Variants in CLOCK observed in about 807,000 individuals in gnomAD.
CLOCK encodes the protein circadian locomoter output cycles protein kaput.
CLOCK carries 43 observed loss-of-function variants against 118.4 expected under a neutral mutation model. The observed-to-expected ratio is 0.36, with a 90% CI of 0.28 to 0.47. The LOEUF is 0.47. Among genes scored for constraint, CLOCK ranks in the 20% least tolerant of loss-of-function variants. The pLI, the probability that CLOCK is intolerant of heterozygous loss-of-function variation, is 1.00. For synonymous variants in CLOCK, 326 were observed against 339.2 expected (o/e 0.96, Z 0.43); for missense variants, 846 against 999.9 (o/e 0.85, Z 2.08).
intron 7 of CLOCK, among the ~76,000 whole-genome samples, chr4:55,471,106 G>A (rs1213667690): frequency 6.6e-6 from 1 of 152,138 alleles, no homozygotes; most frequent in Non-Finnish European, 1.5e-5. Flanking sequence ...TGTATATACA[G>A]TATTATGGCT....
intron 13 of CLOCK, 109 bp downstream of exon 13, chr4:55,455,788 C>A: frequency 1.2e-6 from 1 of 845,086 alleles, no homozygotes. Flanking sequence ...TAGCATATTT[C>A]AAAAATATGA....
intron 3 of CLOCK, among the ~76,000 whole-genome samples, chr4:55,486,823 T>C (rs1289238440): frequency 6.6e-6 from 1 of 152,182 alleles, no homozygotes; most frequent in Non-Finnish European, 1.5e-5. Flanking sequence ...TGATGTGCCC[T>C]GTTTTGGCTT....
In CLOCK at chr4:55,503,922, T is replaced by C. The variant is rs540613856; in HGVS notation, c.-136+5990A>G. Among the ~76,000 whole-genome samples the C allele has an allele frequency of 4.7e-5, 7 of 149,338 alleles. No individual in the cohort carries two copies. In the South Asian group the frequency reaches 6.4e-4, roughly 14 times the overall value. On this transcript the variant is annotated intron_variant, in intron 2 of 22. Transcript: ENST00000513440. ...TAGTGTAATTATAAACAATCAATTTTTCTTTATTACATTCCAGATCACTAG... is the reference window on the plus strand; with the variant it reads ...TAGTGTAATTATAAACAATCAATTTCTCTTTATTACATTCCAGATCACTAG...
At chr4:55,528,343 C>T (rs1175509346) in intron 1 of CLOCK, among the ~76,000 whole-genome samples, 1 of 128,234 alleles carries the variant, frequency 7.8e-6, no homozygotes, top group African/African-American at 2.6e-5. Context: ...CAGAACTCCA[C>T]CTCAAAAAAA....
intron 1 of CLOCK, among the ~76,000 whole-genome samples, chr4:55,522,368 C>G (rs746064361): frequency 2.0e-5 from 3 of 151,638 alleles, no homozygotes; most frequent in Non-Finnish European, 4.4e-5. Flanking sequence ...ATCCCATAAA[C>G]AAATGAAAAG....
rs962300713 is a variant in CLOCK at position 55,456,079 on chromosome 4, G to C, written c.876-76C>G. On this transcript the variant is annotated intron_variant, in intron 12 of 22. Coordinates refer to ENST00000513440, the MANE Select transcript of CLOCK (RefSeq NM_004898.4). Reference sequence around the variant, plus strand: ...ATATTTCAACTAGAAATAAACTTTGGGGGGGGGGCTTTATTTTTCAAAAAA... The same window carrying C: ...ATATTTCAACTAGAAATAAACTTTGCGGGGGGGGCTTTATTTTTCAAAAAA... 1.5e-5 allele frequency: 17 copies of C among 1,119,508 alleles called. 1 individual carries two copies. The highest frequency in any genetic ancestry group is 3.5e-5 in the African/African-American group (1 of 28,512). 69.3% of individuals were successfully genotyped at this position (1,119,508 alleles called of 1,614,324 possible).
intron 7 of CLOCK, 128 bp downstream of exon 7, chr4:55,475,835 A>C: frequency 1.5e-6 from 1 of 679,494 alleles, no homozygotes; most frequent in Admixed American, 2.1e-5. Flanking sequence ...TTTTACTGAA[A>C]TATTAGCTTT....
chr4:55,528,677 AAGGACTAC>A (rs1302937191), intron 1 of CLOCK, among the ~76,000 whole-genome samples: 1 of 152,236 alleles, frequency 6.6e-6, no homozygotes, highest in Non-Finnish European at 1.5e-5. Context: ...CTACACATGA[AAGGACTAC>A]AGTGGAGGTC....
chr4:55,482,709 A>G, intron 4 of CLOCK, 30 bp downstream of exon 4: 3 of 1,469,086 alleles, frequency 2.0e-6, no homozygotes, highest in South Asian at 2.5e-5. Context: ...ATAATTATAT[A>G]TAACTTAAAA....
intron 2 of CLOCK, among the ~76,000 whole-genome samples, chr4:55,502,002 G>A (rs1728478784): frequency 6.6e-6 from 1 of 152,060 alleles, no homozygotes; most frequent in African/African-American, 2.4e-5. Context: ...ATCTTACGAA[G>A]TCAACAAAAG....
intron 6 of CLOCK, 66 bp from the exon 7 acceptor site, chr4:55,476,120 T>G: frequency 2.0e-6 from 2 of 986,804 alleles, no homozygotes; most frequent in Non-Finnish European, 3.3e-6. Flanking sequence ...GCCCTACAAG[T>G]TATCTTGTCT....
In CLOCK at chr4:55,438,464, T is replaced by C. The variant is rs772118839; in HGVS notation, c.2179A>G (p.Ser727Gly). 3 of 1,613,862 alleles carry C rather than the reference T, an allele frequency of 1.9e-6. No individual in the cohort carries two copies. The highest frequency in any genetic ancestry group is 3.3e-5 in the Admixed American group (2 of 59,992). Residue 727 changes from serine (S) to glycine (G), a missense_variant, in exon 22 of 23, where the codon AGT (serine) becomes GGT (glycine). Ser to Gly is a moderately conservative substitution (Grantham distance 56, BLOSUM62 0). This residue lies in a region of CLOCK where 520 missense variants were observed against 558.0 expected (regional missense o/e 0.93). Transcript: ENST00000513440. ...ACCACCTGGCCCATAAGCATAGTAC[T>C]AGGTACCATGACTGCCCCACAAGCT... ...PVACGAVMVP[S>G]TMLMGQVVTA...
At chr4:55,504,887 C>G (rs1728698953) in intron 2 of CLOCK, among the ~76,000 whole-genome samples, 1 of 152,038 alleles carries the variant, frequency 6.6e-6, no homozygotes, top group East Asian at 1.9e-4. Context: ...TTAAATCCAG[C>G]AAAGAATCGC....
In CLOCK at chr4:55,429,317, C is replaced by G. The variant is rs1184287617; in HGVS notation, c.*6098G>C. ...GTTGACGTGCTTTAACTACCGTTCT[C>G]TAAGTTGTGTGCTATACCTAGCCTG... is the stretch of plus-strand genomic sequence containing the variant. On this transcript the variant is annotated 3_prime_UTR_variant, in exon 23 of 23. Coordinates refer to ENST00000513440, the MANE Select transcript of CLOCK (RefSeq NM_004898.4). 6.6e-6 allele frequency: 1 copy of G among 152,176 alleles called. No individual in the cohort carries two copies. Among genetic ancestry groups the G allele is most frequent in the Non-Finnish European group, 1.5e-5 (1 of 68,036 alleles). The allele number at this position is 152,176 out of a possible 1,614,324, so 9.4% of individuals were successfully genotyped here. A position where few individuals can be genotyped will look rare whatever the true frequency, so the allele number is the denominator to read the frequency against.
intron 1 of CLOCK, among the ~76,000 whole-genome samples, chr4:55,541,089 T>C (rs1476432065): frequency 1.3e-5 from 2 of 152,186 alleles, no homozygotes; most frequent in Non-Finnish European, 2.9e-5. Context: ...AATATCCAAC[T>C]AAAGTAATAA....
In CLOCK at chr4:55,448,595, CGCGCGCGTGTGTGTGTGTGT is replaced by C; in HGVS notation, c.1539+164_1539+183del. On this transcript the variant is annotated intron_variant, in intron 18 of 22. Coordinates refer to ENST00000513440, the MANE Select transcript of CLOCK (RefSeq NM_004898.4). ...ATAATTATATATGTGCGCGCGCGCA[CGCGCGCGTGTGTGTGTGTGT>C]GTGTGTGTGTGTGTGTGTGTGTGTG... 6.0e-5 allele frequency among the ~76,000 whole-genome samples: 2 copies of C among 33,270 alleles called. 1 individual carries two copies. Among genetic ancestry groups the C allele is most frequent in the African/African-American group, 2.1e-4 (2 of 9,706 alleles). The allele number at this position is 33,270 out of a possible 152,430, so 21.8% of individuals were successfully genotyped here.
At chr4:55,465,227 AG>A (rs1725655833) in intron 8 of CLOCK, among the ~76,000 whole-genome samples, 1 of 150,910 alleles carries the variant, frequency 6.6e-6, no homozygotes, top group Non-Finnish European at 1.5e-5. Context: ...ACATTGTATT[AG>A]TTATTATAAA....
At chr4:55,454,199 A>C (rs1724722618) in intron 13 of CLOCK, among the ~76,000 whole-genome samples, 1 of 152,212 alleles carries the variant, frequency 6.6e-6, no homozygotes, top group Admixed American at 6.5e-5. Flanking sequence ...GAAGCATTTA[A>C]TTTTAAACCT....
At chr4:55,440,439 T>C (rs931734657) in intron 21 of CLOCK, among the ~76,000 whole-genome samples, 1 of 152,210 alleles carries the variant, frequency 6.6e-6, no homozygotes, top group African/African-American at 2.4e-5. Context: ...GTTTATAACA[T>C]TGGTCATTAC....
Sources: allele counts gnomAD v4.1 joint callset (sites outside exome capture counted in the v4.1 genomes callset), GRCh38; gene constraint gnomAD v4.1.1; regional missense constraint gnomAD v4.1.1; transcripts MANE v1.5; gene names NCBI Gene and HGNC (gene_info 2026-07-23, HGNC 2026-07-21).